DAB1: variants seen among roughly 807,000 people sequenced by gnomAD.
The protein encoded by DAB1 is DAB adaptor protein 1.
A neutral mutation model predicts 64.6 loss-of-function variants in DAB1; 15 were observed. The observed-to-expected ratio is 0.23, with a 90% CI of 0.16 to 0.36. The LOEUF (loss-of-function observed/expected upper bound fraction) is 0.36. Ranked by LOEUF, DAB1 falls within the 10% of genes least tolerant of loss-of-function variation. The pLI is 1.00. For synonymous variants in DAB1, 235 were observed against 251.9 expected, an observed-to-expected ratio of 0.93 and a Z score of 0.64; for missense variants, 596 against 706.7, an observed-to-expected ratio of 0.84 and a Z score of 1.78.
At chr1:57,635,281 G>A (rs566946883) in intron 7 of DAB1, among the ~76,000 whole-genome samples, 17 of 152,232 alleles carry the variant, frequency 1.1e-4, no homozygotes, top group African/African-American at 3.9e-4. Flanking sequence ...CCCAAACCCC[G>A]GGCCATGGAC....
At chr1:57,176,221 A>T (rs1328569560) in intron 2 of DAB1, among the ~76,000 whole-genome samples, 1 of 152,130 alleles carries the variant, frequency 6.6e-6, no homozygotes, top group Non-Finnish European at 1.5e-5. Flanking sequence ...GTCCGTTTTC[A>T]TGCTGCTGAT....
chr1:58,406,623 G>T (rs895364259), intron 3 of DAB1, among the ~76,000 whole-genome samples: 2 of 152,154 alleles, frequency 1.3e-5, no homozygotes, highest in Non-Finnish European at 2.9e-5. Context: ...TTCAGGAGAC[G>T]TAGCCTTCAA....
intron 5 of DAB1, among the ~76,000 whole-genome samples, chr1:57,911,712 G>A (rs1323877963): frequency 6.6e-6 from 1 of 152,214 alleles, no homozygotes; most frequent in Non-Finnish European, 1.5e-5. Flanking sequence ...CCTGTTCTCT[G>A]ACTCCAACAT....
intron 3 of DAB1, among the ~76,000 whole-genome samples, chr1:58,505,501 C>T (rs553236913): frequency 7.2e-5 from 11 of 152,106 alleles, no homozygotes; most frequent in South Asian, 2.1e-4. Context: ...GGCAGAAAGC[C>T]GCCTCAGCTT....
chr1:58,516,874 C>T (rs913250587), intron 2 of DAB1, among the ~76,000 whole-genome samples: 2 of 152,158 alleles, frequency 1.3e-5, no homozygotes, highest in African/African-American at 4.8e-5. Flanking sequence ...GCATCTATGT[C>T]CTTGGGTCAG....
intron 4 of DAB1, among the ~76,000 whole-genome samples, chr1:58,211,143 C>G (rs987322227): frequency 1.3e-5 from 2 of 152,026 alleles, no homozygotes. Flanking sequence ...GTAAGAACAT[C>G]GGTCAGCTGC....
intron 6 of DAB1, among the ~76,000 whole-genome samples, chr1:57,732,676 T>C (rs1570777400): frequency 6.6e-6 from 1 of 152,062 alleles, no homozygotes; most frequent in South Asian, 2.1e-4. Context: ...GAGAAAAGGG[T>C]AGTGAGGAAG....
chr1:57,573,979 G>A (rs1645220747), intron 7 of DAB1, among the ~76,000 whole-genome samples: 1 of 152,214 alleles, frequency 6.6e-6, no homozygotes, highest in Non-Finnish European at 1.5e-5. Flanking sequence ...GGCTTGGGCT[G>A]TGGGACACCC....
chr1:57,934,802 T>G (rs1222027425), intron 5 of DAB1, among the ~76,000 whole-genome samples: 2 of 152,184 alleles, frequency 1.3e-5, no homozygotes, highest in Admixed American at 1.3e-4. Context: ...GTGCCATGGA[T>G]CTTTCTCTCT....
intron 1 of DAB1, among the ~76,000 whole-genome samples, chr1:57,858,273 G>C (rs1653849713): frequency 6.6e-6 from 1 of 152,028 alleles, no homozygotes; most frequent in South Asian, 2.1e-4. Context: ...GGAGATTATG[G>C]CTCCATATGA....
chr1:57,909,315 C>A (rs1379158783), intron 5 of DAB1, among the ~76,000 whole-genome samples: 1 of 152,188 alleles, frequency 6.6e-6, no homozygotes, highest in Non-Finnish European at 1.5e-5. Flanking sequence ...CCATTCCCAA[C>A]TGATCATGCC....
intron 7 of DAB1, among the ~76,000 whole-genome samples, chr1:57,432,401 A>AAC (rs1685550776): frequency 6.6e-6 from 1 of 152,106 alleles, no homozygotes; most frequent in Admixed American, 6.5e-5. Context: ...GACTCAGTGC[A>AAC]ACACACTTCT....
chr1:58,476,430 CA>C (rs1197718206), intron 3 of DAB1, among the ~76,000 whole-genome samples: 1 of 152,108 alleles, frequency 6.6e-6, no homozygotes, highest in African/African-American at 2.4e-5. Flanking sequence ...ACCAACCCTT[CA>C]AGACAGAACT....
chr1:58,172,143 C>G (rs554601136), intron 4 of DAB1, among the ~76,000 whole-genome samples: 1 of 152,310 alleles, frequency 6.6e-6, no homozygotes, highest in African/African-American at 2.4e-5. Context: ...GAGGCAGAAA[C>G]AGCCTTCAAA....
intron 3 of DAB1, among the ~76,000 whole-genome samples, chr1:58,451,218 T>G (rs943832459): frequency 2.0e-5 from 3 of 152,178 alleles, no homozygotes; most frequent in Non-Finnish European, 4.4e-5. Context: ...GCCTCCCAAG[T>G]AGAGGGGACG....
chr1:58,045,935 ATTTT>A (rs61118687), intron 5 of DAB1, among the ~76,000 whole-genome samples: 6,930 of 145,080 alleles, frequency 0.048, 401 homozygotes, highest in African/African-American at 0.14. Flanking sequence ...AAGATTATCA[ATTTT>A]TTTTTTTTTT....
chr1:57,854,410 C>T (rs2101931935), intron 1 of DAB1, among the ~76,000 whole-genome samples: 1 of 152,162 alleles, frequency 6.6e-6, no homozygotes, highest in South Asian at 2.1e-4. Context: ...AGAGGAAGAG[C>T]CCAACATGGG....
chr1:57,396,109 G>A (rs1682785005), intron 1 of DAB1, among the ~76,000 whole-genome samples: 1 of 152,224 alleles, frequency 6.6e-6, no homozygotes, highest in African/African-American at 2.4e-5. Context: ...CAAAAGCGCT[G>A]AGAGGTCTGT....
chr1:57,437,714 A>G (rs1685747921), intron 7 of DAB1, among the ~76,000 whole-genome samples: 1 of 152,356 alleles, frequency 6.6e-6, no homozygotes, highest in South Asian at 2.1e-4. Flanking sequence ...TGTAAAAATA[A>G]TCATGATAAA....
Sources: allele counts gnomAD v4.1 joint callset (sites outside exome capture counted in the v4.1 genomes callset), GRCh38; gene constraint gnomAD v4.1.1; transcripts MANE v1.5; gene names NCBI Gene and HGNC (gene_info 2026-07-23, HGNC 2026-07-21).